Variants in RIMS1 observed in about 807,000 individuals in gnomAD.
RIMS1 encodes regulating synaptic membrane exocytosis 1, also known as regulating synaptic membrane exocytosis protein 1.
In RIMS1, 83 loss-of-function variants were observed where a neutral mutation model predicts 214.1. The ratio of observed to expected loss-of-function variants is 0.39; its 90% confidence interval spans 0.32 to 0.47. RIMS1 has a LOEUF of 0.47. Ranked by LOEUF, RIMS1 falls within the 20% of genes least tolerant of loss-of-function variation. The probability of loss-of-function intolerance (pLI) is 0.99; values close to 1 mark genes in which losing one functional copy is unlikely to be tolerated. For synonymous variants in RIMS1, 793 were observed against 786.8 expected (o/e 1.01, Z -0.13); for missense variants, 2,050 against 2,161.8 (o/e 0.95, Z 1.03).
intron 1 of RIMS1, among the ~76,000 whole-genome samples, chr6:71,919,522 T>G (rs1779399719): frequency 6.6e-6 from 1 of 152,054 alleles, no homozygotes; most frequent in Non-Finnish European, 1.5e-5. Flanking sequence ...AGTAGGCAAT[T>G]TAAAATTTAA....
At position 72,090,993 on chromosome 6, in the gene RIMS1, T is replaced by C. The variant is rs954896709; in HGVS notation, c.246-5956T>C. ...ACTTGGTGGTGCCCATGTGCTAAGG[T>C]TGACGAAGGGAACGCGTGATGGCAC... On this transcript the variant is annotated intron_variant, in intron 2 of 33. Transcript: ENST00000521978. Among the ~76,000 whole-genome samples, 2 of 152,184 alleles carry C rather than the reference T, an allele frequency of 1.3e-5. 1 individual carries two copies. Among genetic ancestry groups the C allele is most frequent in the Admixed American group, 1.3e-4 (2 of 15,276 alleles).
intron 29 of RIMS1, 111 bp downstream of exon 29, chr6:72,333,946 AAAG>A: frequency 1.3e-6 from 1 of 781,610 alleles, no homozygotes. Flanking sequence ...TCTTCTTTGA[AAAG>A]AAAATTTATT....
intron 4 of RIMS1, among the ~76,000 whole-genome samples, chr6:72,107,313 C>A (rs1282657512): frequency 6.6e-6 from 1 of 152,226 alleles, no homozygotes; most frequent in Non-Finnish European, 1.5e-5. Flanking sequence ...GTAATCCCAG[C>A]ACTTTGGGAG....
chr6:72,346,972 G>T (rs1280647149), intron 29 of RIMS1, among the ~76,000 whole-genome samples: 1 of 151,766 alleles, frequency 6.6e-6, no homozygotes, highest in East Asian at 1.9e-4. Context: ...GCAGAAGAAG[G>T]TATTAGTGAA....
chr6:71,951,745 G>A (rs1789649276), intron 1 of RIMS1, among the ~76,000 whole-genome samples: 2 of 150,316 alleles, frequency 1.3e-5, no homozygotes, highest in South Asian at 4.2e-4. Context: ...GCCATCCCCT[G>A]CCTCAAATCC....
chr6:71,992,902 C>G (rs180793664), intron 2 of RIMS1, among the ~76,000 whole-genome samples: 2 of 152,270 alleles, frequency 1.3e-5, no homozygotes, highest in Admixed American at 6.5e-5. Flanking sequence ...CTCCAGCACT[C>G]CACTGGTCTT....
intron 26 of RIMS1, among the ~76,000 whole-genome samples, chr6:72,304,040 T>C (rs1239650557): frequency 2.0e-5 from 3 of 151,660 alleles, no homozygotes; most frequent in Non-Finnish European, 4.4e-5. Flanking sequence ...TGCATGATAA[T>C]TACATTTCTT....
chr6:71,954,396 T>A (rs1790550188), intron 1 of RIMS1, among the ~76,000 whole-genome samples: 1 of 152,258 alleles, frequency 6.6e-6, no homozygotes, highest in South Asian at 2.1e-4. Context: ...TCCTGAACTC[T>A]GCTTTAAAGC....
At chr6:72,060,423 C>T (rs1335171795) in intron 2 of RIMS1, among the ~76,000 whole-genome samples, 1 of 152,164 alleles carries the variant, frequency 6.6e-6, no homozygotes, top group Non-Finnish European at 1.5e-5. Flanking sequence ...TTCTAATAAG[C>T]TTCCTCAGCT....
intron 5 of RIMS1, 47 bp from the exon 6 acceptor site, chr6:72,182,237 C>G: frequency 6.7e-7 from 1 of 1,502,310 alleles, no homozygotes. Context: ...TTTTTTATGT[C>G]TAGTCTTTAT....
chr6:72,128,738 A>G lies in RIMS1; in HGVS notation c.471+28752A>G, dbSNP rs115416825. 5.3e-3 allele frequency among the ~76,000 whole-genome samples: 810 copies of G among 152,352 alleles called. 7 individuals carry two copies. The highest frequency in any genetic ancestry group is 0.019 in the African/African-American group (771 of 41,590). On this transcript the variant is annotated intron_variant, in intron 4 of 33. Transcript: ENST00000521978. ...AAAAATCCAGGAACAACAAACACAG[A>G]TTAGTATCTTAAATTACTTTCCACC... is the stretch of plus-strand genomic sequence containing the variant.
intron 15 of RIMS1, 97 bp downstream of exon 15, chr6:72,251,465 A>G (rs1222603263): frequency 5.9e-6 from 6 of 1,014,708 alleles, no homozygotes; most frequent in Non-Finnish European, 8.3e-6. Context: ...ATGTTTTATT[A>G]GAGATCAAAA....
At chr6:71,904,839 G>C (rs1050865447) in intron 1 of RIMS1, among the ~76,000 whole-genome samples, 3 of 152,112 alleles carry the variant, frequency 2.0e-5, no homozygotes, top group Non-Finnish European at 4.4e-5. Context: ...TCTATCTATA[G>C]AACACTTGCA....
At chr6:72,278,788 C>T (rs1439305298) in intron 23 of RIMS1, among the ~76,000 whole-genome samples, 1 of 152,044 alleles carries the variant, frequency 6.6e-6, no homozygotes, top group Non-Finnish European at 1.5e-5. Flanking sequence ...ATGCATCCAT[C>T]TTCACTGCAT....
chr6:72,312,928 A>G (rs543377491), intron 27 of RIMS1, among the ~76,000 whole-genome samples: 2 of 152,218 alleles, frequency 1.3e-5, no homozygotes, highest in Admixed American at 6.5e-5. Flanking sequence ...GAGGTGTTTC[A>G]TATTTTGGAT....
At chr6:71,917,618 C>T (rs887636947) in intron 1 of RIMS1, among the ~76,000 whole-genome samples, 5 of 152,016 alleles carry the variant, frequency 3.3e-5, no homozygotes, top group African/African-American at 7.2e-5. Flanking sequence ...TTCTAAATAA[C>T]GAAAAGCCAG....
At chr6:71,937,983 C>T (rs1209242117) in intron 1 of RIMS1, among the ~76,000 whole-genome samples, 1 of 152,122 alleles carries the variant, frequency 6.6e-6, no homozygotes, top group Admixed American at 6.5e-5. Flanking sequence ...CATGATTCGT[C>T]CTGAGGCAAA....
intron 2 of RIMS1, among the ~76,000 whole-genome samples, chr6:72,076,701 T>C (rs1023028169): frequency 4.6e-5 from 7 of 152,158 alleles, no homozygotes; most frequent in Non-Finnish European, 1.0e-4. Flanking sequence ...GGGATGATGC[T>C]ATCCTGGGAA....
rs2080055816 is a variant in RIMS1, at chr6:72,265,429, T to G, written c.3234T>G (p.Thr1078=). The change falls in exon 21 of 34, where the codon ACT becomes ACG. Residue 1078 remains threonine (T), a synonymous_variant. Coordinates refer to ENST00000521978, the MANE Select transcript of RIMS1 (RefSeq NM_014989.7). ...CACATACTAAGACCAAATCAGTGACTAGACAGGACATTTCCCTTCATCATG... is the reference window on the plus strand; with the variant it reads ...CACATACTAAGACCAAATCAGTGACGAGACAGGACATTTCCCTTCATCATG... ...LPAHTKTKSV[T]RQDISLHHEC... is the part of the protein sequence containing the mutation. 1 of 1,609,622 alleles carries G rather than the reference T, an allele frequency of 6.2e-7. No homozygotes were observed. The highest frequency in any genetic ancestry group is 1.3e-5 in the African/African-American group (1 of 74,804).
Sources: gnomAD v4.1 joint callset for allele counts (sites outside exome capture counted in the v4.1 genomes callset) on GRCh38, gnomAD v4.1.1 for gene constraint, MANE v1.5 for transcripts, NCBI Gene and HGNC (gene_info 2026-07-23, HGNC 2026-07-21) for gene names.